Variants in ANKRD17 observed in about 807,000 individuals in gnomAD.
ANKRD17 encodes the protein ankyrin repeat domain-containing protein 17.
ANKRD17 carries 19 observed loss-of-function variants against 229.7 expected under a neutral mutation model. The observed-to-expected ratio is 0.08, with a 90% confidence interval of 0.06 to 0.12. The LOEUF is 0.12. ANKRD17 is among the 10% of genes least tolerant of loss of function. The probability of loss-of-function intolerance (pLI) is 1.00; values close to 1 mark genes in which losing one functional copy is unlikely to be tolerated. For synonymous variants in ANKRD17, 1,112 were observed against 1,146.1 expected, an observed-to-expected ratio of 0.97 and a Z score of 0.60; for missense variants, 2,176 against 3,176.8, an observed-to-expected ratio of 0.68 and a Z score of 7.57.
At chr4:73,137,890 A>G (rs1165105601) in intron 15 of ANKRD17, among the ~76,000 whole-genome samples, 4 of 152,198 alleles carry the variant, frequency 2.6e-5, no homozygotes, top group African/African-American at 9.7e-5. Flanking sequence ...GATAATTCTG[A>G]TCAGCATACA....
rs78364977 is a variant in ANKRD17, at chr4:73,091,693, T to C, written c.5935A>G (p.Thr1979Ala). The C allele has an allele frequency of 6.6e-5, 107 of 1,614,174 alleles. 1 individual carries two copies. The highest frequency in any genetic ancestry group is 4.9e-4 in the Middle Eastern group (3 of 6,062). ...CCATTTGTAGATGTACCAGGCACCG[T>C]TGAAGCTGATGAACTGGTTGTAGTT... ...PTTTTSSSAS[T>A]VPGTSTNGSP... is the part of the protein sequence containing the mutation. Residue 1979 changes from threonine (T) to alanine (A), a missense_variant, in exon 29 of 34, where the codon ACG becomes GCG. Thr to Ala is a moderately conservative substitution (Grantham distance 58). This residue lies in a region of ANKRD17 where 424 missense variants were observed against 454.0 expected (regional missense o/e 0.93). Transcript: ENST00000358602.
At chr4:73,173,382 G>C (rs1189994813) in intron 2 of ANKRD17, among the ~76,000 whole-genome samples, 9 of 152,126 alleles carry the variant, frequency 5.9e-5, no homozygotes, top group African/African-American at 2.2e-4. Context: ...GCATTGGACA[G>C]ATCTTCCACA....
intron 2 of ANKRD17, among the ~76,000 whole-genome samples, chr4:73,162,382 T>C (rs556214409): frequency 4.6e-5 from 7 of 152,184 alleles, no homozygotes; most frequent in African/African-American, 9.6e-5. Flanking sequence ...CTTGTAGAGG[T>C]AGAGTCTCAT....
At chr4:73,173,813 C>T (rs1419846137) in intron 2 of ANKRD17, among the ~76,000 whole-genome samples, 2 of 152,086 alleles carry the variant, frequency 1.3e-5, no homozygotes, top group African/African-American at 4.8e-5. Context: ...CACCCAGTCT[C>T]CAGCTCGAGC....
chr4:73,252,262 T>C (rs1745094907), intron 1 of ANKRD17, among the ~76,000 whole-genome samples: 1 of 152,216 alleles, frequency 6.6e-6, no homozygotes, highest in South Asian at 2.1e-4. Context: ...CAATGTAAAC[T>C]GCTTCATTAA....
chr4:73,116,010 A>C, intron 22 of ANKRD17, 94 bp from the exon 23 acceptor site: 1 of 1,029,824 alleles, frequency 9.7e-7, no homozygotes, highest in Admixed American at 1.8e-5. Context: ...GATTAGGGCC[A>C]CAAAGTAAAG....
rs566848704 is a variant in ANKRD17 at position 73,138,832 on chromosome 4, G to A, written c.3085+699C>T. Among the ~76,000 whole-genome samples, 82 of 152,106 alleles carry A rather than the reference G, an allele frequency of 5.4e-4. 1 individual carries two copies. The South Asian group carries it at 0.016, about 29-fold the overall frequency. On this transcript the variant is annotated intron_variant, in intron 15 of 33. Transcript: ENST00000358602. ...AAGCATAAAAACAGTCTTCTAAAGTGTATCTTCTTGTCAATGAAACTAGTT... is the reference window on the plus strand; with the variant it reads ...AAGCATAAAAACAGTCTTCTAAAGTATATCTTCTTGTCAATGAAACTAGTT...
chr4:73,151,323 T>A, intron 7 of ANKRD17, 107 bp downstream of exon 7: 1 of 956,208 alleles, frequency 1.0e-6, no homozygotes, highest in East Asian at 2.7e-5. Context: ...TCAATAAGGT[T>A]CTGACAAACA....
rs1402043623 is a variant in ANKRD17, at chr4:73,112,052, CAA to C, written c.4401+1738_4401+1739del. ...TGGAAGATGCTGCTGACAGCACAAA[CAA>C]AAAGAGGATGGTCAGTATGGATAGA... is the stretch of plus-strand genomic sequence containing the variant. On this transcript the variant is annotated intron_variant, in intron 24 of 33. Transcript: ENST00000358602. Among the ~76,000 whole-genome samples, 15 of 152,118 alleles carry C rather than the reference CAA, an allele frequency of 9.9e-5. No homozygotes were observed. In the East Asian group the frequency reaches 2.9e-3, roughly 29 times the overall value.
chr4:73,221,419 A>C (rs184600256), intron 1 of ANKRD17, among the ~76,000 whole-genome samples: 10 of 152,314 alleles, frequency 6.6e-5, no homozygotes, highest in Admixed American at 6.5e-4. Flanking sequence ...AACATAAATA[A>C]GACTTCTAAA....
intron 1 of ANKRD17, among the ~76,000 whole-genome samples, chr4:73,229,595 CAATT>C (rs947747473): frequency 8.0e-5 from 12 of 149,258 alleles, no homozygotes; most frequent in Non-Finnish European, 1.6e-4. Context: ...TTAAGAACTT[CAATT>C]GATTATTTAA....
At chr4:73,147,865 G>A (rs555127296) in intron 8 of ANKRD17, among the ~76,000 whole-genome samples, 11 of 151,880 alleles carry the variant, frequency 7.2e-5, no homozygotes, top group Non-Finnish European at 1.3e-4. Flanking sequence ...ATTATTATTA[G>A]TTCCATTTTA....
intron 1 of ANKRD17, among the ~76,000 whole-genome samples, chr4:73,212,883 G>A (rs1019477380): frequency 2.0e-5 from 3 of 151,184 alleles, no homozygotes; most frequent in African/African-American, 4.9e-5. Flanking sequence ...AAAAATTAGC[G>A]CAGAGTGGTG....
chr4:73,192,582 G>A (rs763882306), intron 1 of ANKRD17, among the ~76,000 whole-genome samples: 19 of 151,740 alleles, frequency 1.3e-4, no homozygotes, highest in African/African-American at 4.3e-4. Flanking sequence ...GTTTTCTACC[G>A]TGATTTTTAG....
Position 73,091,295 on chromosome 4 carries a change from A to G in ANKRD17, c.6333T>C (p.Pro2111=), listed in dbSNP as rs1240682523. The G allele has an allele frequency of 1.9e-6, 3 of 1,614,060 alleles. No homozygotes were observed. The highest frequency in any genetic ancestry group is 3.3e-5 in the Admixed American group (2 of 59,996). Residue 2111 remains proline, a synonymous_variant, in exon 29 of 34, where the codon CCT becomes CCC. Coordinates refer to ENST00000358602, the MANE Select transcript of ANKRD17 (RefSeq NM_032217.5). The stretch of plus-strand genomic sequence containing the variant: ...TTGGTTCCTGAGAAACAGATCCCGG[A>G]GGTTGTTGCTGATTAGAATGAGCTG... ...SSSAHSNQQQ[P]PGSVSQEPRP... is the part of the protein sequence containing the mutation.
At chr4:73,081,885 C>T (rs755939921) in intron 30 of ANKRD17, among the ~76,000 whole-genome samples, 20 of 151,726 alleles carry the variant, frequency 1.3e-4, no homozygotes, top group Admixed American at 2.6e-4. Flanking sequence ...GTGGCTCACA[C>T]CTGCAATCCC....
intron 1 of ANKRD17, among the ~76,000 whole-genome samples, chr4:73,185,971 A>G (rs1164714361): frequency 6.6e-6 from 1 of 152,030 alleles, no homozygotes; most frequent in Non-Finnish European, 1.5e-5. Flanking sequence ...ATTTATTAAG[A>G]AATTATAATA....
intron 15 of ANKRD17, among the ~76,000 whole-genome samples, chr4:73,137,057 A>G (rs1412535452): frequency 1.4e-5 from 2 of 146,966 alleles, no homozygotes; most frequent in Admixed American, 6.9e-5. Flanking sequence ...AAAATCAATT[A>G]TCTCATCATT....
chr4:73,160,210 C>CTT (rs144486458), intron 3 of ANKRD17, among the ~76,000 whole-genome samples: 38 of 61,558 alleles, frequency 6.2e-4, no homozygotes, highest in African/African-American at 1.8e-3. Context: ...TTTCTTATCA[C>CTT]TTTTTTTTTT....
Sources: gnomAD v4.1 joint callset for allele counts (sites outside exome capture counted in the v4.1 genomes callset) on GRCh38, gnomAD v4.1.1 for gene constraint, gnomAD v4.1.1 regional missense constraint, MANE v1.5 for transcripts, NCBI Gene and HGNC (gene_info 2026-07-23, HGNC 2026-07-21) for gene names.